Variants in IQSEC1 observed in about 807,000 individuals in gnomAD.
IQSEC1 encodes IQ motif and SEC7 domain-containing protein 1.
In IQSEC1, 31 loss-of-function variants were observed where a neutral mutation model predicts 91.0. The observed-to-expected ratio is 0.34, with a 90% confidence interval of 0.26 to 0.46. IQSEC1 has a LOEUF of 0.46. Ranked by LOEUF, IQSEC1 falls within the 20% of genes least tolerant of loss-of-function variation. IQSEC1 has a pLI of 1.00. For synonymous variants in IQSEC1, 699 were observed against 662.6 expected, an observed-to-expected ratio of 1.05 and a Z score of -0.84; for missense variants, 1,388 against 1,575.6, an observed-to-expected ratio of 0.88 and a Z score of 2.02.
chr3:13,239,285 CG>C (rs1694981391), intron 1 of IQSEC1, among the ~76,000 whole-genome samples: 1 of 152,210 alleles, frequency 6.6e-6, no homozygotes, highest in Non-Finnish European at 1.5e-5. Context: ...GCACATAGTG[CG>C]GAATGAACTG....
chr3:12,914,065 CT>C (rs1349442203), intron 8 of IQSEC1, among the ~76,000 whole-genome samples: 2 of 152,238 alleles, frequency 1.3e-5, no homozygotes. Context: ...GGCCCCAGGA[CT>C]TTTCCCACCC....
intron 1 of IQSEC1, among the ~76,000 whole-genome samples, chr3:13,205,138 T>A (rs1225581337): frequency 6.6e-6 from 1 of 152,034 alleles, no homozygotes; most frequent in Non-Finnish European, 1.5e-5. Flanking sequence ...GAAAATGCTT[T>A]CCTGTGCTGA....
At position 12,970,544 on chromosome 3, in the gene IQSEC1, C is replaced by T. The variant is rs1408161211; in HGVS notation, c.24-28679G>A. Among the ~76,000 whole-genome samples, 1 of 152,146 alleles carries T rather than the reference C, an allele frequency of 6.6e-6. No homozygotes were observed. The highest frequency in any genetic ancestry group is 1.5e-5 in the Non-Finnish European group (1 of 68,014). ...TCTCCCAAAGCCCAGCCTTTGCAGC[C>T]CCTCTCTCCAAGCTGTCAGGATCAA... is the stretch of plus-strand genomic sequence containing the variant. On this transcript the variant is annotated intron_variant, in intron 1 of 13. Coordinates refer to ENST00000613206, the MANE Select transcript of IQSEC1 (RefSeq NM_001134382.3). This position sits in a 1 kb window ranked among gnomAD's most constrained non-coding sequence, Gnocchi z 4.4.
intron 6 of IQSEC1, among the ~76,000 whole-genome samples, chr3:12,917,328 C>A (rs1247244211): frequency 2.0e-5 from 3 of 152,184 alleles, no homozygotes; most frequent in Admixed American, 6.5e-5. Context: ...CGTAGAACGA[C>A]CCTCATCCAC....
At chr3:13,130,358 A>AG (rs1706591354) in intron 2 of IQSEC1, among the ~76,000 whole-genome samples, 3 of 150,572 alleles carry the variant, frequency 2.0e-5, no homozygotes, top group African/African-American at 7.5e-5. Context: ...AAAAAAAAAA[A>AG]AAAAGAAAGA....
rs534869453 is a variant in IQSEC1, at chr3:13,054,763, G to C, written c.23+18229C>G. ...GTGGTCTCATTCCATGATCCCCGAGGGGGGAGGCTGTTTGCCAGTGTCACA... is the reference window on the plus strand; with the variant it reads ...GTGGTCTCATTCCATGATCCCCGAGCGGGGAGGCTGTTTGCCAGTGTCACA... On this transcript the variant is annotated intron_variant, in intron 1 of 13. Transcript: ENST00000613206. Among the ~76,000 whole-genome samples, 6 of 152,328 alleles carry C rather than the reference G, an allele frequency of 3.9e-5. No homozygotes were observed. In the East Asian group the frequency reaches 5.8e-4, roughly 15 times the overall value.
At chr3:13,249,710 G>C (rs575463845) in intron 1 of IQSEC1, among the ~76,000 whole-genome samples, 11 of 152,140 alleles carry the variant, frequency 7.2e-5, no homozygotes, top group Non-Finnish European at 8.8e-5. Flanking sequence ...AAAACGAGGT[G>C]GGGGAGCCGG....
At chr3:12,984,254 G>A (rs1188787105) in intron 1 of IQSEC1, among the ~76,000 whole-genome samples, 1 of 152,206 alleles carries the variant, frequency 6.6e-6, no homozygotes, top group Non-Finnish European at 1.5e-5. Flanking sequence ...ACTGAGCACA[G>A]GAGGACCACG....
chr3:13,256,018 C>T (rs1695279592), intron 1 of IQSEC1, among the ~76,000 whole-genome samples: 1 of 152,154 alleles, frequency 6.6e-6, no homozygotes, highest in Non-Finnish European at 1.5e-5. Flanking sequence ...GCCCCCACCA[C>T]AAAGAGTGAA....
intron 1 of IQSEC1, among the ~76,000 whole-genome samples, chr3:12,982,157 C>T (rs1701495512): frequency 6.6e-6 from 1 of 152,200 alleles, no homozygotes; most frequent in Non-Finnish European, 1.5e-5. Context: ...AAAATCCCCC[C>T]CATTCTCTTT....
chr3:13,196,749 CGTGTGT>C (rs5846802), intron 1 of IQSEC1, among the ~76,000 whole-genome samples: 3,045 of 148,472 alleles, frequency 0.021, 38 homozygotes, highest in African/African-American at 0.036. Flanking sequence ...CATGTGTGTG[CGTGTGT>C]GTGTGTGTGT....
In IQSEC1 at chr3:12,967,402, A is replaced by G; in HGVS notation, c.24-25537T>C. 8 of 1,535,684 alleles carry G rather than the reference A, an allele frequency of 5.2e-6. No homozygotes were observed. The highest frequency in any genetic ancestry group is 7.0e-6 in the Non-Finnish European group (8 of 1,144,750). ...GCGCCCTCACCCGCTGTCAAGCTCT[A>G]GCTCCAGAAGGGACTGGGTCCTCTC... On this transcript the variant is annotated intron_variant, in intron 1 of 13. Coordinates refer to ENST00000613206, the MANE Select transcript of IQSEC1 (RefSeq NM_001134382.3). This position sits in a 1 kb window ranked among gnomAD's most constrained non-coding sequence, Gnocchi z 5.9.
intron 1 of IQSEC1, among the ~76,000 whole-genome samples, chr3:12,974,684 C>T (rs1357511051): frequency 6.6e-6 from 1 of 152,236 alleles, no homozygotes; most frequent in African/African-American, 2.4e-5. Context: ...CCCTAAACTC[C>T]CCCCAACACA....
At chr3:13,204,195 C>A (rs547443437) in intron 1 of IQSEC1, among the ~76,000 whole-genome samples, 6 of 152,374 alleles carry the variant, frequency 3.9e-5, no homozygotes, top group African/African-American at 1.4e-4. Context: ...TGGGGCCCCG[C>A]GTGCAGCCTC....
intron 1 of IQSEC1, among the ~76,000 whole-genome samples, chr3:13,198,112 A>C (rs1325611795): frequency 1.3e-5 from 2 of 152,086 alleles, no homozygotes; most frequent in Admixed American, 1.3e-4. Flanking sequence ...AGAGGTGCTG[A>C]GCTCAGGCCA....
At chr3:12,959,356 C>A (rs563162560) in intron 1 of IQSEC1, among the ~76,000 whole-genome samples, 207 of 152,278 alleles carry the variant, frequency 1.4e-3, no homozygotes, top group African/African-American at 4.8e-3. Context: ...AGCCACAATA[C>A]CATCCAGGGG....
In IQSEC1 at chr3:12,900,205, A is replaced by AGATGCTATGTTACTTGG; in HGVS notation, c.*761_*777dup. On this transcript the variant is annotated 3_prime_UTR_variant, in exon 14 of 14. Transcript: ENST00000613206. ...GCAATACTGGACTTTTTAAACAGTTAGATGCTATGTTACTTGGCACAGTTA... is the reference window on the plus strand; with the variant it reads ...GCAATACTGGACTTTTTAAACAGTTAGATGCTATGTTACTTGGGATGCTATGTTACTTGGCACAGTTA... The AGATGCTATGTTACTTGG allele has an allele frequency of 1.0e-6, 1 of 980,232 alleles. No homozygotes were observed. The highest frequency in any genetic ancestry group is 1.2e-6 in the Non-Finnish European group (1 of 825,204). 60.7% of individuals were successfully genotyped at this position (980,232 alleles called of 1,614,324 possible).
At chr3:13,055,966 T>TC (rs980989487) in intron 1 of IQSEC1, among the ~76,000 whole-genome samples, 11 of 150,318 alleles carry the variant, frequency 7.3e-5, no homozygotes, top group Non-Finnish European at 1.5e-4. Flanking sequence ...CACCGAGATG[T>TC]CCCCCCCACC....
intron 1 of IQSEC1, among the ~76,000 whole-genome samples, chr3:13,059,142 C>A (rs1352438149): frequency 6.6e-6 from 1 of 152,258 alleles, no homozygotes; most frequent in East Asian, 1.9e-4. Context: ...GACCTCCAGA[C>A]ACAAGGAGCT....
Sources: gnomAD v4.1 joint callset for allele counts (sites outside exome capture counted in the v4.1 genomes callset) on GRCh38, gnomAD v4.1.1 for gene constraint, Gnocchi (gnomAD v3.1) non-coding constraint, MANE v1.5 for transcripts, NCBI Gene and HGNC (gene_info 2026-07-23, HGNC 2026-07-21) for gene names.